DOK5: variants seen among roughly 807,000 people sequenced by gnomAD.
DOK5 encodes the protein docking protein 5.
In DOK5, 27 loss-of-function variants were observed where a neutral mutation model predicts 43.3. The ratio of observed to expected loss-of-function variants is 0.62; its 90% CI spans 0.46 to 0.86. DOK5 has a LOEUF of 0.86. DOK5 is among the 40% of genes least tolerant of loss of function. The pLI, the probability that DOK5 is intolerant of heterozygous loss-of-function variation, is 0.00. For missense variants in DOK5, 373 were observed against 392.9 expected (o/e 0.95, Z 0.43); for synonymous variants, 146 against 140.1 (o/e 1.04, Z -0.30).
chr20:54,482,668 G>T (rs757716756), intron 1 of DOK5, among the ~76,000 whole-genome samples: 7 of 151,880 alleles, frequency 4.6e-5, no homozygotes, highest in Non-Finnish European at 8.8e-5. Context: ...GGCTAATTTT[G>T]GTATTTTTAG....
At chr20:54,479,302 C>T (rs1981568981) in intron 1 of DOK5, among the ~76,000 whole-genome samples, 1 of 152,148 alleles carries the variant, frequency 6.6e-6, no homozygotes, top group African/African-American at 2.4e-5. Context: ...CCAGCTTAAT[C>T]CCCATTGTTT....
chr20:54,591,368 C>T (rs1479187601), intron 4 of DOK5, among the ~76,000 whole-genome samples: 2 of 152,090 alleles, frequency 1.3e-5, no homozygotes, highest in African/African-American at 4.8e-5. Context: ...TAAAAATGGT[C>T]TTCGCTCATG....
At position 54,588,949 on chromosome 20, in the gene DOK5, C is replaced by G. The variant is rs897701137; in HGVS notation, c.409+143C>G. The G allele has an allele frequency of 1.2e-5, 10 of 843,804 alleles. No homozygotes were observed. The African/African-American group carries it at 1.2e-4, about 10-fold the overall frequency. The allele number at this position is 843,804 out of a possible 1,614,324, so 52.3% of individuals were successfully genotyped here. A position where few individuals can be genotyped will look rare whatever the true frequency, so the allele number is the denominator to read the frequency against. On this transcript the variant is annotated intron_variant, in intron 4 of 7. Coordinates refer to ENST00000262593, the MANE Select transcript of DOK5 (RefSeq NM_018431.5). ...AGTAATCTTTTATCTAATCCACAAC[C>G]TGTGTTAACATTTCAGTGTATTTTT...
At chr20:54,509,777 A>C (rs1030057237) in intron 1 of DOK5, among the ~76,000 whole-genome samples, 12 of 152,152 alleles carry the variant, frequency 7.9e-5, no homozygotes, top group Non-Finnish European at 1.5e-4. Flanking sequence ...TCACAGAGAG[A>C]AATTTCATTC....
intron 7 of DOK5, among the ~76,000 whole-genome samples, chr20:54,648,492 A>T (rs747347238): frequency 6.6e-6 from 1 of 152,112 alleles, no homozygotes; most frequent in Non-Finnish European, 1.5e-5. Context: ...CCCCTGCAAC[A>T]CCCCAAGACC....
intron 2 of DOK5, among the ~76,000 whole-genome samples, chr20:54,558,523 A>G (rs6014053): frequency 0.22 from 33,464 of 152,082 alleles, 5,259 homozygotes; most frequent in African/African-American, 0.46. Context: ...GGGGCACATA[A>G]AAAGCTGGAG....
At chr20:54,564,383 A>T (rs1208752381) in intron 2 of DOK5, among the ~76,000 whole-genome samples, 2 of 152,324 alleles carry the variant, frequency 1.3e-5, no homozygotes, top group Admixed American at 1.3e-4. Flanking sequence ...GTGAGCCAAG[A>T]TTGCACCACT....
At chr20:54,540,488 G>A (rs6098058) in intron 1 of DOK5, among the ~76,000 whole-genome samples, 3,724 of 152,210 alleles carry the variant, frequency 0.024, 151 homozygotes, top group African/African-American at 0.085. Flanking sequence ...TGGAGTGTTT[G>A]CTATATACCA....
chr20:54,634,252 A>G (rs1197338819), intron 6 of DOK5, among the ~76,000 whole-genome samples: 3 of 139,920 alleles, frequency 2.1e-5, no homozygotes, highest in African/African-American at 8.0e-5. Flanking sequence ...CCCTTCACTC[A>G]CTGTGAGTAT....
intron 6 of DOK5, among the ~76,000 whole-genome samples, chr20:54,624,327 T>C (rs1395430009): frequency 6.6e-6 from 1 of 152,198 alleles, no homozygotes; most frequent in Admixed American, 6.5e-5. Context: ...TTATATGTGA[T>C]TTTTATGTTA....
chr20:54,604,588 C>G (rs1986405978), intron 5 of DOK5, among the ~76,000 whole-genome samples: 1 of 152,150 alleles, frequency 6.6e-6, no homozygotes, highest in Admixed American at 6.5e-5. Context: ...TATGCTTTGT[C>G]TCTGATAGGT....
At chr20:54,581,793 A>G (rs191772303) in intron 2 of DOK5, among the ~76,000 whole-genome samples, 5 of 151,876 alleles carry the variant, frequency 3.3e-5, no homozygotes, top group Admixed American at 2.6e-4. Flanking sequence ...GTGTGTAGAT[A>G]GAATCTTTAG....
intron 5 of DOK5, among the ~76,000 whole-genome samples, chr20:54,598,272 T>C (rs1213775218): frequency 6.6e-6 from 1 of 152,192 alleles, no homozygotes; most frequent in Non-Finnish European, 1.5e-5. Flanking sequence ...CAGAGAATAA[T>C]TAGTTTATCT....
chr20:54,595,717 G>A (rs1369866426), intron 5 of DOK5, among the ~76,000 whole-genome samples: 1 of 152,212 alleles, frequency 6.6e-6, no homozygotes, highest in Admixed American at 6.5e-5. Flanking sequence ...GTCATGTTTT[G>A]CAGGGCTGGT....
intron 1 of DOK5, among the ~76,000 whole-genome samples, chr20:54,485,639 C>T (rs1232262538): frequency 6.6e-6 from 1 of 152,168 alleles, no homozygotes; most frequent in African/African-American, 2.4e-5. Flanking sequence ...GAGGTTTTCA[C>T]GTGAACATAC....
chr20:54,579,407 CACATA>C (rs1311961311), intron 2 of DOK5, among the ~76,000 whole-genome samples: 2 of 151,730 alleles, frequency 1.3e-5, no homozygotes, highest in African/African-American at 4.9e-5. Context: ...GGTTAAAGAA[CACATA>C]ACATAAGACT....
chr20:54,481,015 T>C, intron 1 of DOK5, among the ~76,000 whole-genome samples: 2 of 130,714 alleles, frequency 1.5e-5, no homozygotes, highest in African/African-American at 6.7e-5. Flanking sequence ...CTATCATCTA[T>C]CTATCTATCA....
intron 6 of DOK5, among the ~76,000 whole-genome samples, chr20:54,624,824 C>T (rs1046981352): frequency 2.0e-5 from 3 of 152,218 alleles, no homozygotes; most frequent in African/African-American, 7.2e-5. Context: ...TGCTCGGCAA[C>T]ATGCTGCACT....
intron 6 of DOK5, among the ~76,000 whole-genome samples, chr20:54,639,737 A>T (rs1256815172): frequency 6.6e-6 from 1 of 152,222 alleles, no homozygotes; most frequent in Non-Finnish European, 1.5e-5. Context: ...CTTTAGCAGA[A>T]GGACATACAG....
Sources: allele counts gnomAD v4.1 joint callset (sites outside exome capture counted in the v4.1 genomes callset), GRCh38; gene constraint gnomAD v4.1.1; transcripts MANE v1.5; gene names NCBI Gene and HGNC (gene_info 2026-07-23, HGNC 2026-07-21).